SMG1: variants seen among roughly 807,000 people sequenced by gnomAD.
The protein encoded by SMG1 is serine/threonine-protein kinase SMG1.
SMG1 carries 22 observed loss-of-function variants against 419.9 expected under a neutral mutation model. The ratio of observed to expected loss-of-function variants is 0.05; its 90% confidence interval spans 0.04 to 0.07. SMG1 has a LOEUF of 0.07. Among genes scored for constraint, SMG1 ranks in the 10% least tolerant of loss-of-function variants. The pLI is 1.00. For missense variants in SMG1, 3,185 were observed against 4,342.0 expected (o/e 0.73, Z 7.49); for synonymous variants, 1,538 against 1,553.5 (o/e 0.99, Z 0.23).
chr16:18,865,641 TGTAGAATATTTAACATG>T (rs1379917029), intron 23 of SMG1, among the ~76,000 whole-genome samples: 1 of 151,652 alleles, frequency 6.6e-6, no homozygotes, highest in African/African-American at 2.4e-5. Flanking sequence ...AAAATAACAC[TGTAGAATATTTAACATG>T]GCAATTTTTT....
intron 33 of SMG1, among the ~76,000 whole-genome samples, chr16:18,851,361 C>T (rs1182853663): frequency 1.3e-5 from 2 of 152,170 alleles, no homozygotes; most frequent in African/African-American, 4.8e-5. Context: ...TCAACACTGG[C>T]TGCACATTAG....
chr16:18,812,176 A>AG, intron 60 of SMG1, 49 bp from the exon 61 acceptor site: 3 of 1,573,646 alleles, frequency 1.9e-6, no homozygotes, highest in Non-Finnish European at 2.6e-6. Flanking sequence ...CAGAACATGG[A>AG]GGGGGCAGAG....
intron 1 of SMG1, among the ~76,000 whole-genome samples, chr16:18,917,341 T>C (rs932829401): frequency 2.0e-5 from 3 of 151,626 alleles, no homozygotes; most frequent in Non-Finnish European, 4.4e-5. Context: ...TTAGTAGACA[T>C]GGGGTTTCTC....
At chr16:18,900,654 G>A (rs1045179000) in intron 1 of SMG1, among the ~76,000 whole-genome samples, 2 of 152,032 alleles carry the variant, frequency 1.3e-5, no homozygotes, top group African/African-American at 2.4e-5. Context: ...GTTTATTAAG[G>A]GATTTTGCTC....
At chr16:18,915,702 T>G (rs1381436400) in intron 1 of SMG1, among the ~76,000 whole-genome samples, 1 of 152,098 alleles carries the variant, frequency 6.6e-6, no homozygotes, top group Non-Finnish European at 1.5e-5. Flanking sequence ...AGTGAAAAAG[T>G]CACTGCATAT....
intron 13 of SMG1, among the ~76,000 whole-genome samples, chr16:18,873,313 G>A (rs1330367443): frequency 3.3e-5 from 5 of 152,068 alleles, no homozygotes; most frequent in Non-Finnish European, 7.4e-5. Flanking sequence ...CCACCTCCGG[G>A]GTTCAAGCAA....
chr16:18,832,106 A>C (rs2033225540), intron 51 of SMG1, among the ~76,000 whole-genome samples: 1 of 152,198 alleles, frequency 6.6e-6, no homozygotes, highest in East Asian at 1.9e-4. Context: ...GGTTCATTAG[A>C]CTATTCTCTC....
chr16:18,895,407 A>G (rs2037079405), intron 3 of SMG1, among the ~76,000 whole-genome samples: 1 of 151,856 alleles, frequency 6.6e-6, no homozygotes, highest in South Asian at 2.1e-4. Flanking sequence ...TGAACCTGGG[A>G]GGCGGAGGTT....
intron 13 of SMG1, among the ~76,000 whole-genome samples, chr16:18,874,901 G>C (rs954902391): frequency 1.1e-3 from 24 of 21,602 alleles, no homozygotes; most frequent in South Asian, 2.5e-3. Context: ...AAAAAAAAAA[G>C]CCTTTTTTTT....
chr16:18,828,175 A>G lies in SMG1; in HGVS notation c.9604-7T>C. ...GTAGATCTTCATGTTGCCACTGTTG[A>G]GAGAAAAAGAAATGTATTAAAATCA... is the stretch of plus-strand genomic sequence containing the variant. On this transcript the variant is annotated splice_polypyrimidine_tract_variant and splice_region_variant and intron_variant, in intron 54 of 62. Coordinates refer to ENST00000446231, the MANE Select transcript of SMG1 (RefSeq NM_015092.5). The G allele has an allele frequency of 6.2e-7, 1 of 1,611,672 alleles. No homozygotes were observed. The highest frequency in any genetic ancestry group is 2.2e-5 in the East Asian group (1 of 44,856).
rs1212602577 is a variant in SMG1 at position 18,830,020 on chromosome 16, G to C, written c.9039C>G (p.His3013Gln). 3 of 1,596,114 alleles carry C rather than the reference G, an allele frequency of 1.9e-6. No individual in the cohort carries two copies. In the Admixed American group the frequency reaches 5.3e-5, roughly 28 times the overall value. ...AGAAAATCTCTTCTAGCACCTGCCG[G>C]TGATTATCATCATCAAAAAAATTAA... ...TQVNFFDDDN[H>Q]RQVLEEIFFL... The change falls in exon 53 of 63, where the codon CAC becomes CAG. Residue 3013 changes from histidine to glutamine, a missense_variant. By Grantham distance (24) the His-to-Gln change is conservative (BLOSUM62 0). Coordinates refer to ENST00000446231, the MANE Select transcript of SMG1 (RefSeq NM_015092.5).
intron 50 of SMG1, 104 bp from the exon 51 acceptor site, chr16:18,833,270 G>A: frequency 2.9e-6 from 2 of 695,566 alleles, no homozygotes; most frequent in Non-Finnish European, 4.7e-6. Context: ...ATGTAACTAT[G>A]CCATCAACTC....
chr16:18,921,068 T>C (rs1407327434), intron 1 of SMG1, among the ~76,000 whole-genome samples: 1 of 142,224 alleles, frequency 7.0e-6, no homozygotes, highest in African/African-American at 2.7e-5. Flanking sequence ...AACCAGGAGG[T>C]GGAGGTTACA....
chr16:18,867,206 G>C (rs1199878381), intron 22 of SMG1, among the ~76,000 whole-genome samples: 1 of 152,108 alleles, frequency 6.6e-6, no homozygotes, highest in Non-Finnish European at 1.5e-5. Flanking sequence ...TTTCAAGCCA[G>C]GAATTACTCA....
chr16:18,806,585 TAGAGA>T lies in SMG1; in HGVS notation c.*2979_*2983del, dbSNP rs2030856706. 1 of 152,178 alleles carries T rather than the reference TAGAGA, an allele frequency of 6.6e-6. No individual in the cohort carries two copies. Among genetic ancestry groups the T allele is most frequent in the African/African-American group, 2.4e-5 (1 of 41,422 alleles). 9.4% of individuals were successfully genotyped at this position (152,178 alleles called of 1,614,324 possible). On this transcript the variant is annotated 3_prime_UTR_variant, in exon 63 of 63. Transcript: ENST00000446231. ...AAATAACTACACAAGCTAAGCTCTG[TAGAGA>T]AATCAACTAAAAATTAGGCAATTCT...
intron 1 of SMG1, among the ~76,000 whole-genome samples, chr16:18,903,084 G>C (rs971920785): frequency 1.6e-4 from 24 of 152,182 alleles, no homozygotes; most frequent in Middle Eastern, 6.8e-3. Context: ...CTCAGCCTCC[G>C]AAAGGGTTGG....
At chr16:18,847,412 T>C (rs1295737761) in intron 38 of SMG1, 41 bp downstream of exon 38, 1 of 1,604,242 alleles carries the variant, frequency 6.2e-7, no homozygotes, top group South Asian at 1.1e-5. Flanking sequence ...TGAAACAAAG[T>C]GGCAGCTTCA....
At chr16:18,842,065 A>G (rs572333168) in intron 40 of SMG1, 143 bp downstream of exon 40, 1 of 945,760 alleles carries the variant, frequency 1.1e-6, no homozygotes, top group Non-Finnish European at 1.6e-6. Flanking sequence ...GTTCAAAAGC[A>G]CATAAGATAT....
chr16:18,836,647 T>C, intron 46 of SMG1, 115 bp from the exon 47 acceptor site: 1 of 1,044,354 alleles, frequency 9.6e-7, no homozygotes, highest in African/African-American at 1.6e-5. Context: ...TTGTTCACCT[T>C]GAGGGCCCTC....
Sources: gnomAD v4.1 joint callset for allele counts (sites outside exome capture counted in the v4.1 genomes callset) on GRCh38, gnomAD v4.1.1 for gene constraint, MANE v1.5 for transcripts, NCBI Gene and HGNC (gene_info 2026-07-23, HGNC 2026-07-21) for gene names.